The following DYSF variants were observed in gnomAD, a reference collection of about 807,000 sequenced individuals.
The protein encoded by DYSF is dysferlin.
In DYSF, 212 loss-of-function variants were observed where a neutral mutation model predicts 274.9. The ratio of observed to expected loss-of-function variants is 0.77; its 90% CI spans 0.69 to 0.86. The LOEUF (loss-of-function observed/expected upper bound fraction) is 0.86. Ranked by LOEUF, DYSF falls within the 40% of genes least tolerant of loss-of-function variation. The pLI is 0.00. For missense variants in DYSF, 2,666 were observed against 2,783.2 expected (o/e 0.96, Z 0.95); for synonymous variants, 1,091 against 1,078.7 (o/e 1.01, Z -0.22).
At chr2:71,501,867 C>T (rs1247823320) in intron 3 of DYSF, among the ~76,000 whole-genome samples, 1 of 152,126 alleles carries the variant, frequency 6.6e-6, no homozygotes, top group Non-Finnish European at 1.5e-5. Flanking sequence ...CACAGGTGTG[C>T]AAATATCTAG....
intron 13 of DYSF, 72 bp downstream of exon 13, chr2:71,526,418 T>TTGGGGGGGGGGGGGGTTG: frequency 7.6e-6 from 2 of 261,506 alleles, no homozygotes; most frequent in Non-Finnish European, 1.4e-5. Flanking sequence ...GGGTGGGCGA[T>TTGGGGGGGGGGGGGGTTG]GGCGGGCGGG....
At chr2:71,467,067 G>A in intron 1 of DYSF, 134 bp downstream of exon 1, 2 of 1,302,736 alleles carry the variant, frequency 1.5e-6, no homozygotes, top group Non-Finnish European at 2.1e-6. Flanking sequence ...AGCAGGGACG[G>A]AAATCCCAGC....
chr2:71,509,931 A>G (rs894876014), intron 4 of DYSF, among the ~76,000 whole-genome samples: 2 of 152,142 alleles, frequency 1.3e-5, no homozygotes, highest in African/African-American at 4.8e-5. Flanking sequence ...GCATGCCACC[A>G]CGCCTGGCTA....
At chr2:71,511,194 C>T (rs1037520566) in intron 4 of DYSF, among the ~76,000 whole-genome samples, 1 of 152,178 alleles carries the variant, frequency 6.6e-6, no homozygotes, top group Admixed American at 6.5e-5. Flanking sequence ...CCTCTCTGGC[C>T]GGTGCAAGCC....
At chr2:71,566,674 A>C (rs1285949320) in intron 24 of DYSF, among the ~76,000 whole-genome samples, 1 of 152,128 alleles carries the variant, frequency 6.6e-6, no homozygotes, top group Non-Finnish European at 1.5e-5. Context: ...CATTCCTGCC[A>C]TCTCCCTGGG....
At chr2:71,553,277 C>T (rs905659878) in intron 20 of DYSF, 89 bp downstream of exon 20, 2 of 1,584,118 alleles carry the variant, frequency 1.3e-6, no homozygotes, top group Non-Finnish European at 1.7e-6. Context: ...GGAAAGCTGC[C>T]AGAGTCTACT....
chr2:71,598,539 C>T (rs780823268), intron 32 of DYSF, 25 bp from the exon 33 acceptor site: 16 of 1,613,930 alleles, frequency 9.9e-6, no homozygotes, highest in South Asian at 8.8e-5. Context: ...GTCCTGTCTC[C>T]CCTCCCCCTC....
At chr2:71,457,112 C>T (rs528685156) in intron 1 of DYSF, among the ~76,000 whole-genome samples, 11 of 152,256 alleles carry the variant, frequency 7.2e-5, no homozygotes, top group African/African-American at 2.2e-4. Flanking sequence ...AAAATCCCAC[C>T]AACAGTCCTA....
chr2:71,487,709 C>G (rs1387498955), intron 3 of DYSF, among the ~76,000 whole-genome samples: 1 of 152,102 alleles, frequency 6.6e-6, no homozygotes, highest in Non-Finnish European at 1.5e-5. Flanking sequence ...GGGTTTCACC[C>G]TGTTGGTCAG....
intron 22 of DYSF, 82 bp from the exon 23 acceptor site, chr2:71,561,670 T>G (rs2091776498): frequency 1.5e-4 from 239 of 1,555,296 alleles, no homozygotes; most frequent in Non-Finnish European, 1.8e-4. Flanking sequence ...GGGCCTGCTG[T>G]GAGAACCTGG....
intron 41 of DYSF, among the ~76,000 whole-genome samples, chr2:71,622,601 T>C (rs993830715): frequency 1.3e-5 from 2 of 152,152 alleles, no homozygotes; most frequent in Non-Finnish European, 2.9e-5. Flanking sequence ...TTGTGTCCTT[T>C]ATTGTTTGTT....
intron 7 of DYSF, among the ~76,000 whole-genome samples, 185 bp from the exon 8 acceptor site, chr2:71,515,438 G>C (rs1051196822): frequency 2.0e-5 from 3 of 152,168 alleles, no homozygotes; most frequent in Non-Finnish European, 4.4e-5. Context: ...GAATTTTATA[G>C]ATGTAAGGGG....
At chr2:71,465,129 A>G (rs1239201950), upstream of DYSF, among the ~76,000 whole-genome samples, 1 of 152,178 alleles carries the variant, frequency 6.6e-6, no homozygotes, top group Admixed American at 6.5e-5. Flanking sequence ...GAGCAATAAC[A>G]TCATGCTTGT....
At chr2:71,504,219 C>A (rs573015036) in intron 4 of DYSF, among the ~76,000 whole-genome samples, 4 of 152,214 alleles carry the variant, frequency 2.6e-5, no homozygotes, top group Admixed American at 6.5e-5. Context: ...GGGCCTGGAC[C>A]AGGAGCTCAT....
Position 71,551,616 on chromosome 2 carries a change from G to A in DYSF, c.1702G>A (p.Val568Met), listed in dbSNP as rs771062534. 180 of 1,606,116 alleles carry A rather than the reference G, an allele frequency of 1.1e-4. No individual in the cohort carries two copies. Among genetic ancestry groups the A allele is most frequent in the Non-Finnish European group, 1.4e-4 (164 of 1,177,882 alleles). Residue 568 changes from valine to methionine, a missense_variant, in exon 19 of 56, where the codon GTG becomes ATG. Coordinates refer to ENST00000410020, the MANE Select transcript of DYSF (RefSeq NM_001130987.2). ...TELNTGKGEG[V>M]AYRGRLLLSL... Reference sequence around the variant, plus strand: ...CTGACCTCCCTGGCAGGGGGAAGGTGTGGCTTATCGTGGCCGGCTTCTGCT... The same window carrying A: ...CTGACCTCCCTGGCAGGGGGAAGGTATGGCTTATCGTGGCCGGCTTCTGCT...
intron 1 of DYSF, among the ~76,000 whole-genome samples, chr2:71,460,009 G>A (rs1003688307): frequency 5.9e-5 from 9 of 152,068 alleles, no homozygotes; most frequent in East Asian, 5.8e-4. Context: ...GTAGCCTGGG[G>A]TCCCGAGGAG....
At chr2:71,608,757 G>A (rs1367936508) in intron 36 of DYSF, among the ~76,000 whole-genome samples, 4 of 152,184 alleles carry the variant, frequency 2.6e-5, no homozygotes, top group African/African-American at 9.6e-5. Flanking sequence ...GGGACAGACC[G>A]AGGAAATGAG....
At chr2:71,669,944 C>G (rs527352546) in intron 51 of DYSF, among the ~76,000 whole-genome samples, 198 bp downstream of exon 51, 1 of 152,126 alleles carries the variant, frequency 6.6e-6, no homozygotes, top group South Asian at 2.1e-4. Flanking sequence ...GCTGTCTCAG[C>G]ATTGTGTGAT....
At chr2:71,637,490 G>A (rs1234441217) in intron 41 of DYSF, among the ~76,000 whole-genome samples, 2 of 152,152 alleles carry the variant, frequency 1.3e-5, no homozygotes, top group Non-Finnish European at 2.9e-5. Flanking sequence ...TAGAGGGCTG[G>A]GGAGAGGGCC....
Sources: gnomAD v4.1 joint callset for allele counts (sites outside exome capture counted in the v4.1 genomes callset) on GRCh38, gnomAD v4.1.1 for gene constraint, MANE v1.5 for transcripts, NCBI Gene and HGNC (gene_info 2026-07-23, HGNC 2026-07-21) for gene names.